Variants in TRDMT1 observed in about 807,000 individuals in gnomAD.
TRDMT1 encodes the protein tRNA aspartic acid methyltransferase 1.
In TRDMT1, 49 loss-of-function variants were observed where a neutral mutation model predicts 51.2. The observed-to-expected ratio is 0.96, with a 90% CI of 0.76 to 1.21. The LOEUF (loss-of-function observed/expected upper bound fraction) is 1.21, where lower values mean the gene tolerates loss of function less well. TRDMT1 is among the 50% of genes most tolerant of loss of function. The pLI, the probability that TRDMT1 is intolerant of heterozygous loss-of-function variation, is 0.00. For missense variants in TRDMT1, 534 were observed against 462.3 expected (o/e 1.16, Z -1.42); for synonymous variants, 187 against 164.6 (o/e 1.14, Z -1.04).
At position 17,168,766 on chromosome 10, in the gene TRDMT1, G is replaced by A. The variant is rs1448038308; in HGVS notation, c.251+75C>T. The A allele has an allele frequency of 1.2e-5, 12 of 1,008,752 alleles. No homozygotes were observed. Among genetic ancestry groups the A allele is most frequent in the African/African-American group, 1.6e-5 (1 of 61,698 alleles). 62.5% of individuals were successfully genotyped at this position (1,008,752 alleles called of 1,614,324 possible). ...AGTAAACCTCTTTCTTTTGTAAATT[G>A]CCCAGTCTCAGGTATGTCTTTATCA... On this transcript the variant is annotated intron_variant, in intron 3 of 10. Transcript: ENST00000377799.
intron 1 of TRDMT1, among the ~76,000 whole-genome samples, chr10:17,179,174 C>G (rs1050857714): frequency 1.3e-5 from 2 of 152,070 alleles, no homozygotes; most frequent in Non-Finnish European, 2.9e-5. Context: ...GTAATCTTTC[C>G]GGAACGTCTC....
rs923465192 is a variant in TRDMT1, at chr10:17,143,081, T to C, written c.*5959A>G. 21 of 985,340 alleles carry C rather than the reference T, an allele frequency of 2.1e-5. No homozygotes were observed. The highest frequency in any genetic ancestry group is 3.5e-5 in the African/African-American group (2 of 57,246). The allele number at this position is 985,340 out of a possible 1,614,324, so 61.0% of individuals were successfully genotyped here. A position where few individuals can be genotyped will look rare whatever the true frequency, so the allele number is the denominator to read the frequency against. ...TCATGTGTTCCAGACTTGAGTAACTTTGGCTGTTCCTCTGGGCATGGAAGA... is the reference window on the plus strand; with the variant it reads ...TCATGTGTTCCAGACTTGAGTAACTCTGGCTGTTCCTCTGGGCATGGAAGA... On this transcript the variant is annotated 3_prime_UTR_variant, in exon 11 of 11. Transcript: ENST00000377799.
At position 17,159,146 on chromosome 10, in the gene TRDMT1, C is replaced by T; in HGVS notation, c.543G>A (p.Gln181=). The T allele has an allele frequency of 6.4e-7, 1 of 1,572,892 alleles. No individual in the cohort carries two copies. Among genetic ancestry groups the T allele is most frequent in the South Asian group, 1.2e-5 (1 of 83,188 alleles). ...CATAATAAAATTCCAATAATAATAC[C>T]TGACCAGGGGCTTGAAAGGGTAATG... ...SEPLPFQAPG[Q]VLMEFPKIES... is the part of the protein sequence containing the mutation. Residue 181 remains glutamine, a splice_region_variant and synonymous_variant, in exon 7 of 11, where the codon CAG becomes CAA. Coordinates refer to ENST00000377799, the MANE Select transcript of TRDMT1 (RefSeq NM_004412.7).
At chr10:17,189,789 G>C (rs1197469439) in intron 1 of TRDMT1, among the ~76,000 whole-genome samples, 3 of 151,946 alleles carry the variant, frequency 2.0e-5, no homozygotes, top group African/African-American at 7.3e-5. Flanking sequence ...TGAATTATAG[G>C]TTCTTTTTGA....
In TRDMT1 at chr10:17,139,285, T is replaced by C. The variant is rs1837515990; in HGVS notation, c.*9755A>G. 5.9e-6 allele frequency: 5 copies of C among 841,802 alleles called. No homozygotes were observed. The highest frequency in any genetic ancestry group is 5.7e-6 in the Non-Finnish European group (4 of 698,768). 52.1% of individuals were successfully genotyped at this position (841,802 alleles called of 1,614,324 possible). On this transcript the variant is annotated 3_prime_UTR_variant, in exon 11 of 11. Coordinates refer to ENST00000377799, the MANE Select transcript of TRDMT1 (RefSeq NM_004412.7). Reference sequence around the variant, plus strand: ...GGTGAAGTTAAATATTTAGACACCATTCATACGATAATCAAAGGAAAATGT... The same window carrying C: ...GGTGAAGTTAAATATTTAGACACCACTCATACGATAATCAAAGGAAAATGT...
At position 17,140,037 on chromosome 10, in the gene TRDMT1, C is replaced by CTTTTTTTTTTTTTTTT. The variant is rs758336473; in HGVS notation, c.*8987_*9002dup. Reference sequence around the variant, plus strand: ...TATTCTTCCAGTAACATCTAGTGTGCTTTTTTTTTTTTTTTTTTTTTTTTT... The same window carrying CTTTTTTTTTTTTTTTT: ...TATTCTTCCAGTAACATCTAGTGTGCTTTTTTTTTTTTTTTTTTTTTTTTTTTTTTTTTTTTTTTTT... On this transcript the variant is annotated 3_prime_UTR_variant, in exon 11 of 11. Coordinates refer to ENST00000377799, the MANE Select transcript of TRDMT1 (RefSeq NM_004412.7). Among the ~76,000 whole-genome samples, 4 of 21,920 alleles carry CTTTTTTTTTTTTTTTT rather than the reference C, an allele frequency of 1.8e-4. 1 individual carries two copies. Among genetic ancestry groups the CTTTTTTTTTTTTTTTT allele is most frequent in the African/African-American group, 5.6e-4 (3 of 5,356 alleles). The allele number at this position is 21,920 out of a possible 152,430, so 14.4% of individuals were successfully genotyped here. A position where few individuals can be genotyped will look rare whatever the true frequency, so the allele number is the denominator to read the frequency against.
intron 2 of TRDMT1, chr10:17,169,514 G>A (rs1272827672): frequency 1.6e-6 from 2 of 1,289,704 alleles, no homozygotes; most frequent in Non-Finnish European, 2.0e-6. Context: ...CTAAGTAGCT[G>A]AAAACTGTGC....
intron 1 of TRDMT1, among the ~76,000 whole-genome samples, chr10:17,183,256 T>C (rs1435565214): frequency 2.0e-5 from 3 of 152,062 alleles, no homozygotes; most frequent in Non-Finnish European, 4.4e-5. Context: ...TTTTATAAAG[T>C]GTATGTGTAT....
chr10:17,184,931 T>G (rs1843695791), intron 1 of TRDMT1, among the ~76,000 whole-genome samples: 2 of 152,214 alleles, frequency 1.3e-5, no homozygotes, highest in Non-Finnish European at 2.9e-5. Flanking sequence ...GATATCTGTT[T>G]GTGTATTTCT....
At chr10:17,162,425 G>C (rs1289311134) in intron 3 of TRDMT1, among the ~76,000 whole-genome samples, 188 bp from the exon 4 acceptor site, 1 of 152,122 alleles carries the variant, frequency 6.6e-6, no homozygotes, top group African/African-American at 2.4e-5. Flanking sequence ...AGAAAAAAGG[G>C]GTCCAGGCGC....
At chr10:17,180,888 A>G (rs944103221) in intron 1 of TRDMT1, among the ~76,000 whole-genome samples, 1 of 152,208 alleles carries the variant, frequency 6.6e-6, no homozygotes, top group Non-Finnish European at 1.5e-5. Flanking sequence ...GAACTTCACA[A>G]TTTCTCCTTA....
At chr10:17,168,993 A>G (rs745618412) in intron 2 of TRDMT1, 76 bp from the exon 3 acceptor site, 217 of 893,394 alleles carry the variant, frequency 2.4e-4, no homozygotes, top group Non-Finnish European at 3.2e-4. Context: ...AATACTAACT[A>G]TAATTAAATA....
At chr10:17,162,281 G>A in intron 3 of TRDMT1, 44 bp from the exon 4 acceptor site, 3 of 1,500,228 alleles carry the variant, frequency 2.0e-6, no homozygotes, top group Non-Finnish European at 2.7e-6. Context: ...AACACAGAAA[G>A]TTTATTAAGA....
intron 10 of TRDMT1, chr10:17,150,247 A>T: frequency 3.6e-6 from 1 of 275,854 alleles, no homozygotes; most frequent in Non-Finnish European, 5.5e-6. Context: ...ACATATTTTT[A>T]ATGTGCTTAT....
At chr10:17,169,894 C>T (rs556618505) in intron 2 of TRDMT1, among the ~76,000 whole-genome samples, 2 of 152,212 alleles carry the variant, frequency 1.3e-5, no homozygotes, top group Admixed American at 6.5e-5. Flanking sequence ...AAGCACTTCT[C>T]GACTCCCCAG....
At chr10:17,164,954 T>A (rs559993921) in intron 3 of TRDMT1, among the ~76,000 whole-genome samples, 2 of 152,238 alleles carry the variant, frequency 1.3e-5, no homozygotes, top group East Asian at 3.9e-4. Flanking sequence ...CCAAGGTAAT[T>A]TATAGATTCA....
intron 4 of TRDMT1, 58 bp downstream of exon 4, chr10:17,162,108 C>G: frequency 6.9e-7 from 1 of 1,456,394 alleles, no homozygotes; most frequent in Non-Finnish European, 9.6e-7. Context: ...ACGTCACATT[C>G]TTCCAGACCT....
At chr10:17,175,819 A>G (rs1842556533) in intron 1 of TRDMT1, among the ~76,000 whole-genome samples, 1 of 152,138 alleles carries the variant, frequency 6.6e-6, no homozygotes, top group African/African-American at 2.4e-5. Context: ...GGCCTAGAAG[A>G]GATGAGGCCA....
At position 17,148,376 on chromosome 10, in the gene TRDMT1, TGAA is replaced by T. The variant is rs1362257101; in HGVS notation, c.*661_*663del. On this transcript the variant is annotated 3_prime_UTR_variant, in exon 11 of 11. Transcript: ENST00000377799. Reference sequence around the variant, plus strand: ...CAACTAAAGGAAAGTACATACAAAATGAAGAAGGAAAAATGAGTTTTGTCCTTC... The same window carrying T: ...CAACTAAAGGAAAGTACATACAAAATGAAGGAAAAATGAGTTTTGTCCTTC... The T allele has an allele frequency of 1.0e-6, 1 of 985,390 alleles. No individual in the cohort carries two copies. Among genetic ancestry groups the T allele is most frequent in the Non-Finnish European group, 1.2e-6 (1 of 829,924 alleles). The allele number at this position is 985,390 out of a possible 1,614,324, so 61.0% of individuals were successfully genotyped here. A position where few individuals can be genotyped will look rare whatever the true frequency, so the allele number is the denominator to read the frequency against.
Sources: gnomAD v4.1 joint callset for allele counts (sites outside exome capture counted in the v4.1 genomes callset) on GRCh38, gnomAD v4.1.1 for gene constraint, MANE v1.5 for transcripts, NCBI Gene and HGNC (gene_info 2026-07-23, HGNC 2026-07-21) for gene names.